CCDC39: variants seen among roughly 807,000 people sequenced by gnomAD.
The protein encoded by CCDC39 is coiled-coil domain 39 molecular ruler complex subunit.
A neutral mutation model predicts 121.0 loss-of-function variants in CCDC39; 113 were observed. That is an observed-to-expected ratio of 0.93 (90% confidence interval 0.80 to 1.09). The LOEUF is 1.09. Ranked by LOEUF, CCDC39 falls within the 50% of genes least tolerant of loss-of-function variation. The probability of loss-of-function intolerance (pLI) is 0.00; values close to 1 mark genes in which losing one functional copy is unlikely to be tolerated. For synonymous variants in CCDC39, 349 were observed against 352.2 expected, an observed-to-expected ratio of 0.99 and a Z score of 0.10; for missense variants, 1,063 against 1,074.7, an observed-to-expected ratio of 0.99 and a Z score of 0.15.
intron 1 of CCDC39, among the ~76,000 whole-genome samples, chr3:180,676,145 G>A (rs1353310284): frequency 2.2e-4 from 33 of 152,080 alleles, no homozygotes; most frequent in African/African-American, 8.0e-4. Flanking sequence ...TTGACAAATG[G>A]GATCTCATTA....
chr3:180,638,323 T>C (rs1468192659), intron 13 of CCDC39, among the ~76,000 whole-genome samples: 2 of 152,190 alleles, frequency 1.3e-5, no homozygotes, highest in Admixed American at 6.5e-5. Flanking sequence ...TGTTTTACAA[T>C]GTTCTGTCAT....
At chr3:180,634,180 C>A (rs1314346369) in intron 13 of CCDC39, among the ~76,000 whole-genome samples, 1 of 134,788 alleles carries the variant, frequency 7.4e-6, no homozygotes, top group Admixed American at 7.7e-5. Flanking sequence ...CTGAACACTA[C>A]CAGTAACAGC....
intron 1 of CCDC39, among the ~76,000 whole-genome samples, chr3:180,671,730 A>G (rs556552901): frequency 3.0e-4 from 46 of 152,272 alleles, no homozygotes; most frequent in Non-Finnish European, 5.1e-4. Flanking sequence ...CTGTAAGCCA[A>G]AGCCTAATCC....
intron 1 of CCDC39, among the ~76,000 whole-genome samples, chr3:180,677,169 TA>T (rs1225655460): frequency 2.2e-3 from 10 of 4,558 alleles, no homozygotes; most frequent in East Asian, 0.026. Context: ...ATAATAATTT[TA>T]TATATATATA....
chr3:180,677,469 G>A (rs923628645), intron 1 of CCDC39, among the ~76,000 whole-genome samples: 1 of 151,480 alleles, frequency 6.6e-6, no homozygotes, highest in Non-Finnish European at 1.5e-5. Context: ...AGGGGAAAAG[G>A]AGGTGGGAAA....
In CCDC39 at chr3:180,659,737, C is replaced by T. The variant is rs1560092175; in HGVS notation, c.549G>A (p.Leu183=). ...ALTLQLERLT[L]ECNQKRKILD... is the part of the protein sequence containing the mutation. ...GTATCTTTCTTTTCTGATTACATTCCAAAGTTAGTCTTTCTAATTGCAGAG... is the reference window on the plus strand; with the variant it reads ...GTATCTTTCTTTTCTGATTACATTCTAAAGTTAGTCTTTCTAATTGCAGAG... Residue 183 remains leucine, a synonymous_variant, in exon 5 of 20, where the codon TTG becomes TTA. Transcript: ENST00000476379. The T allele has an allele frequency of 6.2e-7, 1 of 1,612,114 alleles. No individual in the cohort carries two copies. Among genetic ancestry groups the T allele is most frequent in the South Asian group, 1.1e-5 (1 of 90,922 alleles).
chr3:180,661,667 G>C (rs1198540948), intron 3 of CCDC39, among the ~76,000 whole-genome samples, 194 bp downstream of exon 3: 2 of 151,976 alleles, frequency 1.3e-5, no homozygotes, highest in African/African-American at 2.4e-5. Flanking sequence ...TGAATAATGG[G>C]AAAATGTACT....
At chr3:180,636,008 GGGAAAA>G (rs1194362335) in intron 13 of CCDC39, among the ~76,000 whole-genome samples, 3 of 152,082 alleles carry the variant, frequency 2.0e-5, no homozygotes, top group Non-Finnish European at 4.4e-5. Flanking sequence ...ATAGTAAATG[GGGAAAA>G]GCTGGAAGCA....
chr3:180,660,176 T>A (rs934101345), intron 4 of CCDC39, among the ~76,000 whole-genome samples: 2 of 152,090 alleles, frequency 1.3e-5, no homozygotes, highest in Admixed American at 1.3e-4. Flanking sequence ...CACTACAGTC[T>A]CAAATCAGCA....
chr3:180,671,929 TCTAA>T (rs1411270779), intron 1 of CCDC39, among the ~76,000 whole-genome samples: 3 of 152,122 alleles, frequency 2.0e-5, no homozygotes, highest in South Asian at 4.1e-4. Context: ...ATCTAGAAGA[TCTAA>T]CTAAGATCAT....
Position 180,648,648 on chromosome 3 carries a change from C to CA in CCDC39, c.1168-290dup, listed in dbSNP as rs375719453. Among the ~76,000 whole-genome samples the CA allele has an allele frequency of 5.1e-3, 770 of 152,228 alleles. 11 individuals are homozygous for CA. Among genetic ancestry groups the CA allele is most frequent in the African/African-American group, 0.017 (718 of 41,536 alleles). ...CAGTTGGTCATTCTACTGATTTCCT[C>CA]AAAAAATAAAGTCCACTGGAAATAT... On this transcript the variant is annotated intron_variant, in intron 9 of 19. Coordinates refer to ENST00000476379, the MANE Select transcript of CCDC39 (RefSeq NM_181426.2).
intron 1 of CCDC39, among the ~76,000 whole-genome samples, chr3:180,666,071 A>G (rs1711866271): frequency 6.6e-6 from 1 of 152,134 alleles, no homozygotes; most frequent in Non-Finnish European, 1.5e-5. Flanking sequence ...ATCCATCTAC[A>G]GAACTTTTTC....
At position 180,619,875 on chromosome 3, in the gene CCDC39, G is replaced by T; in HGVS notation, c.2094C>A (p.Thr698=). Residue 698 remains threonine, a synonymous_variant, in exon 15 of 20, where the codon ACC becomes ACA. Coordinates refer to ENST00000476379, the MANE Select transcript of CCDC39 (RefSeq NM_181426.2). ...TGTTACAGCTGTTCAGCACTTGAAG[G>T]GTATTTTCTAGAGCGTAGATTTCTT... ...AEKEIYALEN[T]LQVLNSCNNN... is the part of the protein sequence containing the mutation. The T allele has an allele frequency of 1.2e-6, 2 of 1,609,114 alleles. No homozygotes were observed. The highest frequency in any genetic ancestry group is 1.3e-5 in the African/African-American group (1 of 74,366).
rs761167681 is a variant in CCDC39, at chr3:180,619,845, ATTG to A, written c.2121_2123del (p.Asn708del). On this transcript the variant is annotated inframe_deletion, in exon 15 of 20. Transcript: ENST00000476379. ...TCACTTTTTTAAAAGATTGCTTATAATTGTTGTTACAGCTGTTCAGCACTTGAA... is the reference window on the plus strand; with the variant it reads ...TCACTTTTTTAAAAGATTGCTTATAATTGTTACAGCTGTTCAGCACTTGAA... 10 of 1,605,144 alleles carry A rather than the reference ATTG, an allele frequency of 6.2e-6. No individual in the cohort carries two copies. The highest frequency in any genetic ancestry group is 6.8e-6 in the Non-Finnish European group (8 of 1,176,554).
At chr3:180,662,772 T>A (rs1711774054) in intron 2 of CCDC39, among the ~76,000 whole-genome samples, 1 of 152,200 alleles carries the variant, frequency 6.6e-6, no homozygotes, top group Non-Finnish European at 1.5e-5. Flanking sequence ...GTTTTTAAGT[T>A]TATTAAATTT....
intron 12 of CCDC39, among the ~76,000 whole-genome samples, chr3:180,643,831 C>T (rs1718013344): frequency 6.6e-6 from 1 of 152,066 alleles, no homozygotes; most frequent in Admixed American, 6.5e-5. Flanking sequence ...GTTAAATAAA[C>T]TATGGTAATT....
In CCDC39 at chr3:180,616,274, C is replaced by T. The variant is rs201606383; in HGVS notation, c.2669+7G>A. 42 of 1,612,302 alleles carry T rather than the reference C, an allele frequency of 2.6e-5. No individual in the cohort carries two copies. The highest frequency in any genetic ancestry group is 3.3e-5 in the South Asian group (3 of 91,030). ...TTAAGCAGATTTTTTTTTAACCCTC[C>T]GCTTACCTTGCTGATAGTGAAGTAT... On this transcript the variant is annotated splice_region_variant and intron_variant, in intron 19 of 19. Coordinates refer to ENST00000476379, the MANE Select transcript of CCDC39 (RefSeq NM_181426.2).
chr3:180,642,995 T>C, intron 12 of CCDC39, among the ~76,000 whole-genome samples: 1 of 151,706 alleles, frequency 6.6e-6, no homozygotes, highest in Non-Finnish European at 1.5e-5. Flanking sequence ...AGTCTTACTC[T>C]GTCGCCCAGG....
chr3:180,629,353 C>T (rs1480464594), intron 14 of CCDC39, among the ~76,000 whole-genome samples: 1 of 152,182 alleles, frequency 6.6e-6, no homozygotes. Context: ...GGCCAAAATT[C>T]ATTTACATTG....
Sources: gnomAD v4.1 joint callset for allele counts (sites outside exome capture counted in the v4.1 genomes callset) on GRCh38, gnomAD v4.1.1 for gene constraint, MANE v1.5 for transcripts, NCBI Gene and HGNC (gene_info 2026-07-23, HGNC 2026-07-21) for gene names.